The following ARHGAP44 variants were observed in gnomAD, a reference collection of about 807,000 sequenced individuals.
ARHGAP44 encodes the protein Rho GTPase activating protein 44, also known as rho GTPase-activating protein 44.
A neutral mutation model predicts 106.8 loss-of-function variants in ARHGAP44; 43 were observed. The ratio of observed to expected loss-of-function variants is 0.40; its 90% CI spans 0.32 to 0.52. ARHGAP44 has a LOEUF of 0.52. Among genes scored for constraint, ARHGAP44 ranks in the 20% least tolerant of loss-of-function variants. The pLI is 0.48. For synonymous variants in ARHGAP44, 439 were observed against 410.3 expected (o/e 1.07, Z -0.85); for missense variants, 866 against 1,050.5 (o/e 0.82, Z 2.43).
chr17:12,897,929 C>T (rs1010691922), intron 3 of ARHGAP44, among the ~76,000 whole-genome samples: 19 of 151,826 alleles, frequency 1.3e-4, no homozygotes, highest in African/African-American at 1.7e-4. Flanking sequence ...GAGAGTCTTA[C>T]GTATTATATC....
Position 12,946,410 on chromosome 17 carries a change from C to A in ARHGAP44, c.861+2214C>A, listed in dbSNP as rs188510909. ...CCTGTAATCCCAGCAGTTTGGGAGG[C>A]TGAGGTGGGAGGATCGCTTGAGCCC... On this transcript the variant is annotated intron_variant, in intron 10 of 20. Coordinates refer to ENST00000379672, the MANE Select transcript of ARHGAP44 (RefSeq NM_014859.6). Among the ~76,000 whole-genome samples the A allele has an allele frequency of 4.3e-3, 649 of 150,608 alleles. 7 individuals are homozygous for A. Among genetic ancestry groups the A allele is most frequent in the African/African-American group, 0.015 (614 of 40,886 alleles).
At chr17:12,977,529 C>G (rs1598152962) in intron 18 of ARHGAP44, among the ~76,000 whole-genome samples, 1 of 152,134 alleles carries the variant, frequency 6.6e-6, no homozygotes, top group East Asian at 1.9e-4. Flanking sequence ...GAATGCTAAC[C>G]CCAAAATTCT....
In ARHGAP44 at chr17:12,949,005, T is replaced by G. The variant is rs2038930119; in HGVS notation, c.862-135T>G. 1 of 855,524 alleles carries G rather than the reference T, an allele frequency of 1.2e-6. No individual in the cohort carries two copies. Among genetic ancestry groups the G allele is most frequent in the African/African-American group, 1.7e-5 (1 of 59,940 alleles). 53.0% of individuals were successfully genotyped at this position (855,524 alleles called of 1,614,324 possible). On this transcript the variant is annotated intron_variant, in intron 10 of 20. Transcript: ENST00000379672. This position sits in a 1 kb window ranked among gnomAD's most constrained non-coding sequence, Gnocchi z 4.1. Reference sequence around the variant, plus strand: ...GGGAGACATTGAGAAAGCAGGCAACTGGGGGATTGGGAGATGGTGTTGGGC... The same window carrying G: ...GGGAGACATTGAGAAAGCAGGCAACGGGGGGATTGGGAGATGGTGTTGGGC...
At chr17:12,950,042 C>G (rs901179556) in intron 12 of ARHGAP44, among the ~76,000 whole-genome samples, 1 of 152,144 alleles carries the variant, frequency 6.6e-6, no homozygotes, top group Non-Finnish European at 1.5e-5. Context: ...GTTATTCATG[C>G]TAACATAAAT....
At chr17:12,837,394 C>T (rs2035266655) in intron 1 of ARHGAP44, among the ~76,000 whole-genome samples, 1 of 152,060 alleles carries the variant, frequency 6.6e-6, no homozygotes, top group Non-Finnish European at 1.5e-5. Context: ...AGTATATGCA[C>T]TTGCTATGTA....
At chr17:12,954,062 G>GTTT (rs79278587) in intron 13 of ARHGAP44, among the ~76,000 whole-genome samples, 6 of 139,794 alleles carry the variant, frequency 4.3e-5, no homozygotes, top group East Asian at 2.1e-4. Context: ...TAATTTTTGT[G>GTTT]TTTTTTTTTT....
chr17:12,882,135 G>A (rs996111178), intron 1 of ARHGAP44, among the ~76,000 whole-genome samples: 10 of 152,122 alleles, frequency 6.6e-5, no homozygotes, highest in African/African-American at 2.4e-4. Flanking sequence ...TATATACACT[G>A]TATCTCTCCA....
chr17:12,936,163 G>A (rs2038543280), intron 7 of ARHGAP44, among the ~76,000 whole-genome samples: 1 of 152,092 alleles, frequency 6.6e-6, no homozygotes, highest in African/African-American at 2.4e-5. Flanking sequence ...ACACACAGTG[G>A]TAGAGTCTGT....
At chr17:12,832,362 C>T (rs2035115633) in intron 1 of ARHGAP44, among the ~76,000 whole-genome samples, 1 of 151,892 alleles carries the variant, frequency 6.6e-6, no homozygotes, top group Non-Finnish European at 1.5e-5. Context: ...CTGGGTGGTG[C>T]CAGCTGATCC....
At chr17:12,970,400 G>A (rs1406785848) in intron 16 of ARHGAP44, among the ~76,000 whole-genome samples, 2 of 144,478 alleles carry the variant, frequency 1.4e-5, no homozygotes, top group Non-Finnish European at 3.1e-5. Context: ...AAAAAGAAGA[G>A]AAGAGAAAAG....
chr17:12,873,326 CCCT>C (rs1251522451), intron 1 of ARHGAP44, among the ~76,000 whole-genome samples: 4 of 152,294 alleles, frequency 2.6e-5, no homozygotes, highest in Non-Finnish European at 5.9e-5. Context: ...CTTGCCTATG[CCCT>C]CCTCCTCCAG....
intron 7 of ARHGAP44, among the ~76,000 whole-genome samples, chr17:12,940,345 T>G (rs2038673513): frequency 1.3e-5 from 2 of 152,214 alleles, no homozygotes; most frequent in South Asian, 4.1e-4. Flanking sequence ...TGTACTTCTA[T>G]TATGCCAGGC....
At chr17:12,934,030 G>T (rs1240173047) in intron 7 of ARHGAP44, among the ~76,000 whole-genome samples, 2 of 151,908 alleles carry the variant, frequency 1.3e-5, no homozygotes, top group African/African-American at 4.8e-5. Flanking sequence ...TGTATTTTTA[G>T]TAGAGACAGG....
intron 1 of ARHGAP44, among the ~76,000 whole-genome samples, chr17:12,859,034 G>A (rs1317065564): frequency 1.3e-5 from 2 of 152,242 alleles, no homozygotes; most frequent in East Asian, 1.9e-4. Flanking sequence ...CACAGTGAAT[G>A]GGAATTATGG....
At chr17:12,908,865 A>T (rs775782129) in intron 3 of ARHGAP44, 32 bp from the exon 4 acceptor site, 7 of 1,574,724 alleles carry the variant, frequency 4.4e-6, no homozygotes, top group South Asian at 2.3e-5. Context: ...TATGGAAAGT[A>T]GCTTTCATTA....
chr17:12,890,599 A>C (rs375542354), intron 1 of ARHGAP44, among the ~76,000 whole-genome samples: 6 of 152,300 alleles, frequency 3.9e-5, no homozygotes, highest in African/African-American at 1.4e-4. Context: ...GAGCAGCCTC[A>C]AAGATCTCTG....
Position 12,949,784 on chromosome 17 carries a change from T to C in ARHGAP44, c.1055+54T>C. 1.3e-6 allele frequency: 2 copies of C among 1,531,558 alleles called. No individual in the cohort carries two copies. The highest frequency in any genetic ancestry group is 1.8e-6 in the Non-Finnish European group (2 of 1,109,390). 94.9% of individuals were successfully genotyped at this position (1,531,558 alleles called of 1,614,324 possible). On this transcript the variant is annotated intron_variant, in intron 12 of 20. Transcript: ENST00000379672. This position sits in a 1 kb window ranked among gnomAD's most constrained non-coding sequence, Gnocchi z 4.1. The stretch of plus-strand genomic sequence containing the variant: ...GTGAGTTACAGTTTATTTGGGAGTA[T>C]GTGCTGAAATTATAGAAGCATGTAA...
At chr17:12,866,933 A>G (rs75103382) in intron 1 of ARHGAP44, among the ~76,000 whole-genome samples, 1 of 152,072 alleles carries the variant, frequency 6.6e-6, no homozygotes, top group Non-Finnish European at 1.5e-5. Context: ...TTTTGACCAG[A>G]TAAGGGGACC....
At chr17:12,804,431 A>C (rs1413725013) in intron 1 of ARHGAP44, among the ~76,000 whole-genome samples, 1 of 152,206 alleles carries the variant, frequency 6.6e-6, no homozygotes, top group Non-Finnish European at 1.5e-5. Context: ...GCCTCGCCTA[A>C]GTCAGGAGAC....
Sources: gnomAD v4.1 joint callset for allele counts (sites outside exome capture counted in the v4.1 genomes callset) on GRCh38, gnomAD v4.1.1 for gene constraint, Gnocchi (gnomAD v3.1) non-coding constraint, MANE v1.5 for transcripts, NCBI Gene and HGNC (gene_info 2026-07-23, HGNC 2026-07-21) for gene names.